Variants in DENND2B observed in about 807,000 individuals in gnomAD.
DENND2B encodes the protein DENN domain containing 2B.
DENND2B carries 32 observed loss-of-function variants against 116.0 expected under a neutral mutation model. The observed-to-expected ratio is 0.28, with a 90% confidence interval of 0.21 to 0.37. DENND2B has a LOEUF of 0.37. Ranked by LOEUF, DENND2B falls within the 10% of genes least tolerant of loss-of-function variation. The pLI, the probability that DENND2B is intolerant of heterozygous loss-of-function variation, is 1.00. For missense variants in DENND2B, 1,276 were observed against 1,477.7 expected (o/e 0.86, Z 2.24); for synonymous variants, 588 against 583.9 (o/e 1.01, Z -0.10).
chr11:8,846,139 C>T (rs2062805071), intron 3 of DENND2B, among the ~76,000 whole-genome samples: 1 of 152,166 alleles, frequency 6.6e-6, no homozygotes, highest in Admixed American at 6.5e-5. Flanking sequence ...GACATAAGGA[C>T]AGTAAGACCT....
At chr11:8,875,582 A>G (rs2063833012), upstream of DENND2B, among the ~76,000 whole-genome samples, 1 of 151,790 alleles carries the variant, frequency 6.6e-6, no homozygotes, top group African/African-American at 2.4e-5. Context: ...ATCTTTTAAA[A>G]TAGAGATTTT....
chr11:8,809,065 G>A (rs2061142994), intron 1 of DENND2B: 1 of 152,274 alleles, frequency 6.6e-6, no homozygotes, highest in African/African-American at 2.4e-5. Flanking sequence ...CACTGGCTCA[G>A]TGTTATGCCA....
intron 15 of DENND2B, 114 bp from the exon 16 acceptor site, chr11:8,699,088 C>A: frequency 1.3e-6 from 2 of 1,536,002 alleles, no homozygotes; most frequent in African/African-American, 1.4e-5. Context: ...GTACTCCAGC[C>A]GGGGATAGAC....
At chr11:8,818,178 G>C (rs11042083) in intron 4 of DENND2B, among the ~76,000 whole-genome samples, 123,408 of 133,824 alleles carry the variant, frequency 0.92, 57,877 homozygotes, top group East Asian at 1. Flanking sequence ...GGGAGAATCA[G>C]TTGAAACCTG....
upstream of DENND2B, among the ~76,000 whole-genome samples, chr11:8,814,501 C>T (rs1211291941): frequency 6.6e-6 from 1 of 152,040 alleles, no homozygotes; most frequent in African/African-American, 2.4e-5. Context: ...GGTTGTTTCC[C>T]GTTGCTGGGA....
chr11:8,826,717 A>G (rs2061991777), intron 4 of DENND2B, among the ~76,000 whole-genome samples: 1 of 152,218 alleles, frequency 6.6e-6, no homozygotes, highest in African/African-American at 2.4e-5. Flanking sequence ...TTTTTCCCCA[A>G]GGTTAAGAAC....
chr11:8,780,418 A>T (rs1235793354), intron 1 of DENND2B, among the ~76,000 whole-genome samples: 2 of 152,222 alleles, frequency 1.3e-5, no homozygotes, highest in Non-Finnish European at 2.9e-5. Context: ...GATCAAGAAC[A>T]CTTTACAGAG....
chr11:8,894,974 C>T (rs1488542510), intron 1 of DENND2B, among the ~76,000 whole-genome samples: 4 of 152,110 alleles, frequency 2.6e-5, no homozygotes, highest in Non-Finnish European at 5.9e-5. Flanking sequence ...GCACTATTCA[C>T]AATAGCAAAG....
rs368308762 is a variant in DENND2B, at chr11:8,714,744, C to T, written c.1846-38G>A. 2.7e-5 allele frequency: 42 copies of T among 1,560,674 alleles called. No individual in the cohort carries two copies. In the African/African-American group the frequency reaches 4.5e-4, roughly 17 times the overall value. Reference sequence around the variant, plus strand: ...AGCAGGATGGGTGAGGTAACCTTAACACCAGCTGCCCTACTTCCAAGAAGG... The same window carrying T: ...AGCAGGATGGGTGAGGTAACCTTAATACCAGCTGCCCTACTTCCAAGAAGG... On this transcript the variant is annotated intron_variant, in intron 6 of 19. Transcript: ENST00000313726.
chr11:8,795,375 C>T (rs1040713803), intron 1 of DENND2B, among the ~76,000 whole-genome samples: 2 of 152,192 alleles, frequency 1.3e-5, no homozygotes, highest in African/African-American at 4.8e-5. Context: ...GCCTCTTAAG[C>T]AGTGGTTCTC....
chr11:8,750,545 T>C lies in DENND2B; in HGVS notation c.80+76A>G. The C allele has an allele frequency of 4.0e-6, 5 of 1,237,428 alleles. No homozygotes were observed. In the South Asian group the frequency reaches 6.2e-5, roughly 15 times the overall value. The allele number at this position is 1,237,428 out of a possible 1,614,324, so 76.7% of individuals were successfully genotyped here. On this transcript the variant is annotated intron_variant, in intron 2 of 19. Transcript: ENST00000313726. ...GATGACTGTCAGTCAAGATGATGAC[T>C]ATTTACATTTTGGAGGGATCCCACC... is the stretch of plus-strand genomic sequence containing the variant.
chr11:8,854,540 T>C (rs2063129125), intron 3 of DENND2B, among the ~76,000 whole-genome samples: 1 of 152,104 alleles, frequency 6.6e-6, no homozygotes, highest in Non-Finnish European at 1.5e-5. Flanking sequence ...GGAAATAATT[T>C]CTATTCTGTA....
chr11:8,872,165 A>G (rs947440654), upstream of DENND2B, among the ~76,000 whole-genome samples: 2 of 152,216 alleles, frequency 1.3e-5, no homozygotes, highest in Non-Finnish European at 2.9e-5. Context: ...ACTCAGCTGC[A>G]GGGCAAGCAT....
chr11:8,814,278 TTTTTTTTA>T (rs1419113777), upstream of DENND2B, among the ~76,000 whole-genome samples: 3 of 149,628 alleles, frequency 2.0e-5, no homozygotes, highest in Non-Finnish European at 4.4e-5. Context: ...TTTTTTTTTT[TTTTTTTTA>T]ACACCAGATC....
At chr11:8,828,059 T>C (rs897682175) in intron 4 of DENND2B, among the ~76,000 whole-genome samples, 1 of 152,142 alleles carries the variant, frequency 6.6e-6, no homozygotes, top group Non-Finnish European at 1.5e-5. Context: ...GCTATGGAAC[T>C]TGGGATGGAC....
At chr11:8,793,328 A>G (rs1227556142) in intron 1 of DENND2B, among the ~76,000 whole-genome samples, 1 of 152,202 alleles carries the variant, frequency 6.6e-6, no homozygotes, top group African/African-American at 2.4e-5. Context: ...TGATTAAGCA[A>G]TAACTCCCCA....
chr11:8,768,290 C>T (rs1036815718), intron 1 of DENND2B, among the ~76,000 whole-genome samples: 1 of 151,974 alleles, frequency 6.6e-6, no homozygotes, highest in Non-Finnish European at 1.5e-5. Context: ...GCTCTGTCTC[C>T]CAGGCTGGAG....
chr11:8,909,612 T>C (rs1235077752), intron 1 of DENND2B: 1 of 151,774 alleles, frequency 6.6e-6, no homozygotes, highest in Non-Finnish European at 1.5e-5. Context: ...GGAATACCAA[T>C]AAAATGAAAA....
At chr11:8,838,956 C>G (rs2062528106) in intron 4 of DENND2B, among the ~76,000 whole-genome samples, 2 of 152,168 alleles carry the variant, frequency 1.3e-5, no homozygotes, top group African/African-American at 4.8e-5. Context: ...TATGCTGAAG[C>G]AACATAACAC....
Sources: gnomAD v4.1 joint callset for allele counts (sites outside exome capture counted in the v4.1 genomes callset) on GRCh38, gnomAD v4.1.1 for gene constraint, MANE v1.5 for transcripts, NCBI Gene and HGNC (gene_info 2026-07-23, HGNC 2026-07-21) for gene names.